FAM217B: variants seen among roughly 807,000 people sequenced by gnomAD.
The protein encoded by FAM217B is family with sequence similarity 217 member B.
For missense variants in FAM217B, 463 were observed against 456.9 expected (o/e 1.01, Z -0.12); for synonymous variants, 163 against 173.0 (o/e 0.94, Z 0.45).
Position 59,947,110 on chromosome 20 carries a change from C to T in FAM217B, c.*2015C>T, listed in dbSNP as rs1272209203. ...TTGCTGCCTTTCCCCGTCATGTATC[C>T]ATGTGCATGCTCTTAGAGACCTTGA... On this transcript the variant is annotated 3_prime_UTR_variant, in exon 4 of 4. Transcript: ENST00000360816. 1 of 167,096 alleles carries T rather than the reference C, an allele frequency of 6.0e-6. No individual in the cohort carries two copies. The highest frequency in any genetic ancestry group is 1.5e-5 in the Non-Finnish European group (1 of 68,158). 10.4% of individuals were successfully genotyped at this position (167,096 alleles called of 1,614,324 possible). A position where few individuals can be genotyped will look rare whatever the true frequency, so the allele number is the denominator to read the frequency against.
chr20:59,936,151 A>G (rs1355884196), upstream of FAM217B, among the ~76,000 whole-genome samples: 1 of 152,222 alleles, frequency 6.6e-6, no homozygotes, highest in Non-Finnish European at 1.5e-5. Context: ...ACGGTAGACA[A>G]CTGTAACACA....
chr20:59,936,564 G>A (rs2060863547), upstream of FAM217B: 1 of 152,166 alleles, frequency 6.6e-6, no homozygotes, highest in Admixed American at 6.5e-5. Flanking sequence ...CACATTCCCT[G>A]TATTCCCCTA....
chr20:59,936,538 G>C (rs2060863383), upstream of FAM217B: 1 of 152,214 alleles, frequency 6.6e-6, no homozygotes, highest in African/African-American at 2.4e-5. Context: ...TGTTGTAAGA[G>C]AAGTACATTA....
upstream of FAM217B, chr20:59,939,632 C>A (rs756336001): frequency 3.8e-6 from 6 of 1,576,532 alleles, no homozygotes; most frequent in Admixed American, 1.8e-5. Flanking sequence ...GCACGCGGAG[C>A]TTCTGGCTGC....
At chr20:59,939,767 T>C, upstream of FAM217B, 1 of 1,222,344 alleles carries the variant, frequency 8.2e-7, no homozygotes, top group African/African-American at 1.6e-5. Flanking sequence ...CCGACGGCGC[T>C]GGCGTTGGCG....
chr20:59,933,981 C>G (rs1295650629), intron 1 of FAM217B: 1 of 152,370 alleles, frequency 6.6e-6, no homozygotes, highest in Non-Finnish European at 1.5e-5. Flanking sequence ...GGGCCCTGGT[C>G]CCGGGACAGG....
chr20:59,938,847 A>T, upstream of FAM217B: 1 of 497,854 alleles, frequency 2.0e-6, no homozygotes, highest in Non-Finnish European at 3.3e-6. Context: ...TTTTAGACCA[A>T]GTGACTCAGA....
upstream of FAM217B, chr20:59,939,281 G>C (rs369690383): frequency 3.1e-6 from 5 of 1,611,612 alleles, no homozygotes; most frequent in Non-Finnish European, 1.7e-6. Flanking sequence ...CCACCGCCTC[G>C]TGGGTACTGC....
chr20:59,939,868 G>C (rs774781127), upstream of FAM217B: 298 of 1,246,810 alleles, frequency 2.4e-4, no homozygotes, highest in East Asian at 5.7e-3. Context: ...CTGAGGCTCC[G>C]GGGGCCGAGC....
At chr20:59,936,772 G>C (rs138930162), upstream of FAM217B, 36 of 152,274 alleles carry the variant, frequency 2.4e-4, no homozygotes, top group East Asian at 3.5e-3. Context: ...TCTAAAGCTT[G>C]GTCTTCTGTA....
At chr20:59,934,568 C>A (rs1422079751) in intron 1 of FAM217B, among the ~76,000 whole-genome samples, 2 of 152,166 alleles carry the variant, frequency 1.3e-5, no homozygotes, top group Admixed American at 6.5e-5. Flanking sequence ...GGAATTCAAT[C>A]CTCCACTGAT....
In FAM217B at chr20:59,943,928, A is replaced by T. The variant is rs1199391207; in HGVS notation, c.-4-12A>T. On this transcript the variant is annotated splice_polypyrimidine_tract_variant and intron_variant, in intron 3 of 3. Transcript: ENST00000360816. Reference sequence around the variant, plus strand: ...CATATGTGGTAAGAATTGCAGTTTTATTTTCTCACAGCAATATGAATGCTG... The same window carrying T: ...CATATGTGGTAAGAATTGCAGTTTTTTTTTCTCACAGCAATATGAATGCTG... 3 of 1,562,046 alleles carry T rather than the reference A, an allele frequency of 1.9e-6. No individual in the cohort carries two copies. Among genetic ancestry groups the T allele is most frequent in the Non-Finnish European group, 2.6e-6 (3 of 1,156,870 alleles).
chr20:59,938,854 CAG>C (rs747135495), upstream of FAM217B: 83 of 527,872 alleles, frequency 1.6e-4, no homozygotes, highest in Non-Finnish European at 1.2e-5. Flanking sequence ...CCAAGTGACT[CAG>C]ACGTTTCAAG....
upstream of FAM217B, chr20:59,939,985 C>T (rs2060890357): frequency 8.1e-7 from 1 of 1,229,880 alleles, no homozygotes; most frequent in South Asian, 4.2e-5. Flanking sequence ...CCTCCCGACC[C>T]CGCGACAGCT....
upstream of FAM217B, chr20:59,939,349 C>T: frequency 1.9e-6 from 3 of 1,611,056 alleles, no homozygotes; most frequent in Non-Finnish European, 2.5e-6. Flanking sequence ...ACGTTGCACA[C>T]GCGCACCGTA....
In FAM217B at chr20:59,944,254, C is replaced by T; in HGVS notation, c.311C>T (p.Pro104Leu). ...ASDLSDSERI[P>L]IPPSPLTPPD... ...GATCTCTCTGATTCGGAAAGAATTC[C>T]CATTCCTCCTTCTCCCCTCACACCT... Residue 104 changes from proline to leucine, a missense_variant, in exon 4 of 4, where the codon CCC becomes CTC. By Grantham distance (98) the Pro-to-Leu change is moderately conservative. Transcript: ENST00000360816. 3.1e-6 allele frequency: 5 copies of T among 1,614,094 alleles called. No homozygotes were observed. Among genetic ancestry groups the T allele is most frequent in the Non-Finnish European group, 4.2e-6 (5 of 1,180,024 alleles).
rs1448122293 is a variant in FAM217B, at chr20:59,948,125, G to A, written c.*3030G>A. 1 of 165,466 alleles carries A rather than the reference G, an allele frequency of 6.0e-6. No homozygotes were observed. Among genetic ancestry groups the A allele is most frequent in the Non-Finnish European group, 1.5e-5 (1 of 67,940 alleles). 10.2% of individuals were successfully genotyped at this position (165,466 alleles called of 1,614,324 possible). On this transcript the variant is annotated 3_prime_UTR_variant, in exon 4 of 4. Coordinates refer to ENST00000360816, the MANE Select transcript of FAM217B (RefSeq NM_022106.3). ...AAAAAATGTAAAAAAGTACAAAAAT[G>A]AACTAAAAGTATATCAGTATTTGCA...
upstream of FAM217B, chr20:59,939,035 G>A: frequency 6.6e-7 from 1 of 1,526,312 alleles, no homozygotes; most frequent in Admixed American, 2.0e-5. Context: ...GCGCGGCTCA[G>A]ATGAAGTGGA....
At chr20:59,942,551 A>T (rs1403399697) in intron 3 of FAM217B, 39 bp downstream of exon 3, 2 of 152,200 alleles carry the variant, frequency 1.3e-5, no homozygotes, top group Non-Finnish European at 2.9e-5. Context: ...CTTGCAAAAG[A>T]CTCATTATCT....
Sources: allele counts gnomAD v4.1 joint callset (sites outside exome capture counted in the v4.1 genomes callset), GRCh38; gene constraint gnomAD v4.1.1; transcripts MANE v1.5; gene names NCBI Gene and HGNC (gene_info 2026-07-23, HGNC 2026-07-21).